The following ARHGAP18 variants were observed in gnomAD, a reference collection of about 807,000 sequenced individuals.
The protein encoded by ARHGAP18 is Rho GTPase activating protein 18.
ARHGAP18 carries 67 observed loss-of-function variants against 86.2 expected under a neutral mutation model. That is an observed-to-expected ratio of 0.78 (90% confidence interval 0.64 to 0.95). ARHGAP18 has a LOEUF of 0.95. Ranked by LOEUF, ARHGAP18 falls within the 40% of genes least tolerant of loss-of-function variation. The probability of loss-of-function intolerance (pLI) is 0.00; values close to 1 mark genes in which losing one functional copy is unlikely to be tolerated. For synonymous variants in ARHGAP18, 283 were observed against 280.4 expected (o/e 1.01, Z -0.09); for missense variants, 691 against 780.4 (o/e 0.89, Z 1.37).
intron 1 of ARHGAP18, among the ~76,000 whole-genome samples, chr6:129,665,900 A>G (rs1774027042): frequency 6.6e-6 from 1 of 152,190 alleles, no homozygotes; most frequent in African/African-American, 2.4e-5. Flanking sequence ...TTTTCTTGGC[A>G]CAGAGGAAAG....
rs183284040 is a variant in ARHGAP18, at chr6:129,661,002, A to G, written c.114-18984T>C. ...AAGAAAAGGAAGAGGAGGAGGAGAA[A>G]AAGAGGACACAAAACCTTTAAAAAA... On this transcript the variant is annotated intron_variant, in intron 1 of 14. Transcript: ENST00000368149. 2.8e-3 allele frequency among the ~76,000 whole-genome samples: 422 copies of G among 149,922 alleles called. 2 individuals carry two copies. Among genetic ancestry groups the G allele is most frequent in the Non-Finnish European group, 4.4e-3 (298 of 67,618 alleles).
intron 1 of ARHGAP18, among the ~76,000 whole-genome samples, chr6:129,667,860 A>C (rs1191074081): frequency 1.3e-5 from 2 of 152,170 alleles, no homozygotes; most frequent in African/African-American, 2.4e-5. Flanking sequence ...AAAATCAAGA[A>C]GGGAGAGGAG....
chr6:129,625,607 T>TATTTA (rs374778376), intron 5 of ARHGAP18, among the ~76,000 whole-genome samples: 2 of 39,360 alleles, frequency 5.1e-5, no homozygotes, highest in South Asian at 8.7e-4. Flanking sequence ...ATATTATATA[T>TATTTA]TATTATATAT....
chr6:129,583,566 C>T (rs1788330571), intron 13 of ARHGAP18, among the ~76,000 whole-genome samples: 1 of 152,114 alleles, frequency 6.6e-6, no homozygotes, highest in African/African-American at 2.4e-5. Flanking sequence ...TTTTGAAATC[C>T]ATTATATTTC....
At chr6:129,601,856 G>A (rs193270548) in intron 10 of ARHGAP18, among the ~76,000 whole-genome samples, 1 of 151,754 alleles carries the variant, frequency 6.6e-6, no homozygotes, top group African/African-American at 2.4e-5. Context: ...TTGAACTCTT[G>A]AGTTCAAGAA....
chr6:129,633,434 CAAAAAA>C (rs34853507), intron 4 of ARHGAP18, among the ~76,000 whole-genome samples: 1 of 104,464 alleles, frequency 9.6e-6, no homozygotes, highest in African/African-American at 3.5e-5. Context: ...GACTCCACCT[CAAAAAA>C]AAAAAAAAAA....
intron 1 of ARHGAP18, among the ~76,000 whole-genome samples, chr6:129,663,054 A>C (rs562283998): frequency 5.3e-5 from 8 of 152,346 alleles, no homozygotes; most frequent in African/African-American, 1.7e-4. Flanking sequence ...GGATGAGGAA[A>C]CTGAGGCTTA....
At chr6:129,651,280 A>T (rs1773705956) in intron 1 of ARHGAP18, among the ~76,000 whole-genome samples, 1 of 152,204 alleles carries the variant, frequency 6.6e-6, no homozygotes, top group East Asian at 1.9e-4. Context: ...TGTTTAGTCT[A>T]CAAGTAGGTT....
At chr6:129,590,547 T>C (rs1193743905) in intron 12 of ARHGAP18, among the ~76,000 whole-genome samples, 1 of 152,166 alleles carries the variant, frequency 6.6e-6, no homozygotes, top group Non-Finnish European at 1.5e-5. Context: ...CTTCTGGCTA[T>C]GAAATAAAAA....
chr6:129,629,579 A>C, intron 4 of ARHGAP18, 57 bp from the exon 5 acceptor site: 1 of 1,536,344 alleles, frequency 6.5e-7, no homozygotes, highest in Non-Finnish European at 8.8e-7. Context: ...TTTTAAAAAA[A>C]ATTCTAATGC....
intron 1 of ARHGAP18, among the ~76,000 whole-genome samples, chr6:129,658,080 G>A (rs539216858): frequency 2.0e-5 from 3 of 152,314 alleles, no homozygotes; most frequent in Middle Eastern, 3.4e-3. Context: ...GAAGAGAGAA[G>A]GTGGCATATC....
At chr6:129,700,832 A>G (rs980246316) in intron 1 of ARHGAP18, among the ~76,000 whole-genome samples, 14 of 152,190 alleles carry the variant, frequency 9.2e-5, no homozygotes, top group Non-Finnish European at 1.8e-4. Flanking sequence ...AAGCTGCTAC[A>G]TGAAAGAAGC....
At position 129,645,323 on chromosome 6, in the gene ARHGAP18, G is replaced by GT. The variant is rs776605349; in HGVS notation, c.114-3306dup. On this transcript the variant is annotated intron_variant, in intron 1 of 14. Coordinates refer to ENST00000368149, the MANE Select transcript of ARHGAP18 (RefSeq NM_033515.3). ...CCAGTTAACTAGTTTCCTCTTTTCT[G>GT]TTTTTAGGAGTATGTTATATGATAT... 6.2e-4 allele frequency among the ~76,000 whole-genome samples: 95 copies of GT among 152,226 alleles called. 1 individual carries two copies. Among genetic ancestry groups the GT allele is most frequent in the South Asian group, 2.1e-4 (1 of 4,830 alleles).
intron 2 of ARHGAP18, among the ~76,000 whole-genome samples, chr6:129,640,570 G>A (rs1455665138): frequency 6.6e-6 from 1 of 152,060 alleles, no homozygotes; most frequent in Non-Finnish European, 1.5e-5. Flanking sequence ...TAACCGTAGT[G>A]TTTTTAGATC....
chr6:129,614,739 C>T (rs1789057195), intron 7 of ARHGAP18, among the ~76,000 whole-genome samples: 2 of 144,782 alleles, frequency 1.4e-5, no homozygotes, highest in Non-Finnish European at 3.0e-5. Flanking sequence ...CTACATGTTG[C>T]AGTGACAGAT....
At chr6:129,613,321 G>A (rs983337510) in intron 7 of ARHGAP18, among the ~76,000 whole-genome samples, 6 of 151,468 alleles carry the variant, frequency 4.0e-5, no homozygotes, top group Non-Finnish European at 5.9e-5. Flanking sequence ...AAATCCCATA[G>A]CAAAAATTTT....
At chr6:129,595,930 A>G (rs1030833536) in intron 12 of ARHGAP18, among the ~76,000 whole-genome samples, 3 of 152,084 alleles carry the variant, frequency 2.0e-5, no homozygotes, top group Non-Finnish European at 2.9e-5. Flanking sequence ...GGAAATCTCA[A>G]TGGCTCTAAC....
At chr6:129,582,015 CAG>C (rs752192892) in intron 13 of ARHGAP18, among the ~76,000 whole-genome samples, 15 of 151,952 alleles carry the variant, frequency 9.9e-5, no homozygotes, top group Non-Finnish European at 2.1e-4. Context: ...GAAGGTGAAA[CAG>C]AAATAGTTAG....
intron 1 of ARHGAP18, among the ~76,000 whole-genome samples, chr6:129,671,185 A>G (rs984845994): frequency 6.6e-6 from 1 of 152,162 alleles, no homozygotes; most frequent in African/African-American, 2.4e-5. Context: ...TATGCCCTTT[A>G]TGATAATATT....
Sources: allele counts gnomAD v4.1 joint callset (sites outside exome capture counted in the v4.1 genomes callset), GRCh38; gene constraint gnomAD v4.1.1; transcripts MANE v1.5; gene names NCBI Gene and HGNC (gene_info 2026-07-23, HGNC 2026-07-21).